TRIML2: variants seen among roughly 807,000 people sequenced by gnomAD.
TRIML2 encodes the protein probable E3 ubiquitin-protein ligase TRIML2.
Under a neutral mutation model 31.2 loss-of-function variants are expected in TRIML2, and 28 were observed. The ratio of observed to expected loss-of-function variants is 0.90; its 90% CI spans 0.66 to 1.23. The LOEUF (loss-of-function observed/expected upper bound fraction) is 1.23, where lower values mean the gene tolerates loss of function less well. Among genes scored for constraint, TRIML2 ranks in the 50% most tolerant of loss-of-function variants. The pLI, the probability that TRIML2 is intolerant of heterozygous loss-of-function variation, is 0.00. For synonymous variants in TRIML2, 187 were observed against 197.5 expected (o/e 0.95, Z 0.45); for missense variants, 536 against 528.3 (o/e 1.01, Z -0.14).
In TRIML2 at chr4:188,097,000, T is replaced by C. The variant is rs1579171516; in HGVS notation, c.745+61A>G. 5 of 1,226,494 alleles carry C rather than the reference T, an allele frequency of 4.1e-6. No homozygotes were observed. In the East Asian group the frequency reaches 7.1e-5, roughly 17 times the overall value. 76.0% of individuals were successfully genotyped at this position (1,226,494 alleles called of 1,614,324 possible). A position where few individuals can be genotyped will look rare whatever the true frequency, so the allele number is the denominator to read the frequency against. Reference sequence around the variant, plus strand: ...GAATTTGTTTTCATTTATGGCAGGATGGTCACCTGATTCTCAAATGCAGAA... The same window carrying C: ...GAATTTGTTTTCATTTATGGCAGGACGGTCACCTGATTCTCAAATGCAGAA... On this transcript the variant is annotated intron_variant, in intron 7 of 7. Transcript: ENST00000682553.
chr4:188,095,347 T>A (rs1733458430), intron 7 of TRIML2, among the ~76,000 whole-genome samples: 1 of 152,094 alleles, frequency 6.6e-6, no homozygotes, highest in African/African-American at 2.4e-5. Flanking sequence ...ATACAAACCA[T>A]GCTGGGAGGA....
At chr4:188,100,972 CTA>C in intron 4 of TRIML2, 82 bp downstream of exon 4, 2 of 1,267,908 alleles carry the variant, frequency 1.6e-6, no homozygotes, top group Non-Finnish European at 2.2e-6. Flanking sequence ...TTGTCACTGG[CTA>C]TGTTATTTTG....
chr4:188,107,515 A>G (rs1472592612), intron 1 of TRIML2, among the ~76,000 whole-genome samples: 1 of 152,218 alleles, frequency 6.6e-6, no homozygotes, highest in African/African-American at 2.4e-5. Flanking sequence ...GAATGCATCC[A>G]TAATTTTGAT....
chr4:188,093,037 G>GA (rs1169111525), intron 7 of TRIML2: 3 of 353,984 alleles, frequency 8.5e-6, no homozygotes, highest in Admixed American at 3.7e-5. Flanking sequence ...ATACCAGTTG[G>GA]AAAAAACACA....
At chr4:188,096,528 CAAAAAAAAAA>C (rs10607852) in intron 7 of TRIML2, among the ~76,000 whole-genome samples, 6,105 of 39,066 alleles carry the variant, frequency 0.16, 294 homozygotes, top group East Asian at 0.51. Context: ...AACTCTGTCT[CAAAAAAAAAA>C]AAAAAAAAAA....
At chr4:188,096,005 AT>A (rs2111161500) in intron 7 of TRIML2, among the ~76,000 whole-genome samples, 1 of 152,356 alleles carries the variant, frequency 6.6e-6, no homozygotes, top group Admixed American at 6.5e-5. Context: ...GACAGGAGAT[AT>A]AAACCCTTTG....
intron 3 of TRIML2, among the ~76,000 whole-genome samples, chr4:188,101,986 C>T (rs963957963): frequency 4.6e-5 from 7 of 150,930 alleles, no homozygotes; most frequent in African/African-American, 7.3e-5. Context: ...AAAAATTAGC[C>T]GGGCTTGGTG....
At chr4:188,103,115 C>T (rs1434679406) in intron 3 of TRIML2, among the ~76,000 whole-genome samples, 3 of 149,206 alleles carry the variant, frequency 2.0e-5, no homozygotes, top group African/African-American at 5.0e-5. Context: ...AAAGTTCATG[C>T]CATTCTCCTG....
chr4:188,100,149 C>A (rs1245056607), intron 4 of TRIML2, among the ~76,000 whole-genome samples: 2 of 152,084 alleles, frequency 1.3e-5, no homozygotes, highest in Non-Finnish European at 2.9e-5. Flanking sequence ...TTTTGTGAGT[C>A]TTCTATTGAC....
intron 3 of TRIML2, 72 bp from the exon 4 acceptor site, chr4:188,101,322 G>T: frequency 1.2e-6 from 1 of 838,758 alleles, no homozygotes. Flanking sequence ...CGTCATAATA[G>T]ATAGATATCT....
chr4:188,096,528 C>CTAAAA (rs1733522871), intron 7 of TRIML2, among the ~76,000 whole-genome samples: 1 of 39,268 alleles, frequency 2.5e-5, no homozygotes. Flanking sequence ...AACTCTGTCT[C>CTAAAA]AAAAAAAAAA....
intron 3 of TRIML2, among the ~76,000 whole-genome samples, chr4:188,103,013 T>TA (rs1201227989): frequency 9.6e-5 from 13 of 135,818 alleles, no homozygotes; most frequent in Non-Finnish European, 1.9e-4. Flanking sequence ...TGGTTTTTTT[T>TA]TTTTTTTTTT....
intron 1 of TRIML2, chr4:188,105,834 A>T (rs1485253207): frequency 1.3e-5 from 2 of 154,060 alleles, no homozygotes; most frequent in East Asian, 3.8e-4. Context: ...AACCACAAGT[A>T]TCTGAAAAAG....
chr4:188,099,232 C>T (rs1048724375), intron 4 of TRIML2, 57 bp from the exon 5 acceptor site: 67 of 1,537,440 alleles, frequency 4.4e-5, no homozygotes, highest in South Asian at 1.1e-4. Flanking sequence ...AACAAGAGTT[C>T]GGTAACTTCT....
intron 1 of TRIML2, chr4:188,105,953 G>A (rs1734012894): frequency 2.0e-5 from 3 of 152,518 alleles, no homozygotes; most frequent in Non-Finnish European, 2.9e-5. Context: ...CCAGGCTCCA[G>A]CGATCCTCCC....
At chr4:188,108,564 C>T (rs995664135) in intron 1 of TRIML2, among the ~76,000 whole-genome samples, 2 of 152,186 alleles carry the variant, frequency 1.3e-5, no homozygotes, top group Non-Finnish European at 2.9e-5. Flanking sequence ...AGAGTAAGAT[C>T]GAAGTGGGTA....
chr4:188,100,518 C>T (rs1040094384), intron 4 of TRIML2, among the ~76,000 whole-genome samples: 1 of 151,960 alleles, frequency 6.6e-6, no homozygotes, highest in Non-Finnish European at 1.5e-5. Flanking sequence ...GTCAGGAGAT[C>T]GAGACCATCC....
intron 3 of TRIML2, among the ~76,000 whole-genome samples, chr4:188,101,927 G>C (rs1195011358): frequency 7.9e-5 from 12 of 151,810 alleles, no homozygotes; most frequent in Non-Finnish European, 1.6e-4. Flanking sequence ...TCAGGAGATC[G>C]AGACCATCCT....
At chr4:188,102,346 A>G (rs1411801518) in intron 3 of TRIML2, among the ~76,000 whole-genome samples, 3 of 152,074 alleles carry the variant, frequency 2.0e-5, no homozygotes, top group Non-Finnish European at 4.4e-5. Context: ...CAAAATATAT[A>G]GAGAGAATCT....
Sources: allele counts gnomAD v4.1 joint callset (sites outside exome capture counted in the v4.1 genomes callset), GRCh38; gene constraint gnomAD v4.1.1; transcripts MANE v1.5; gene names NCBI Gene and HGNC (gene_info 2026-07-23, HGNC 2026-07-21).